The following MYCBP2 variants were observed in gnomAD, a reference collection of about 807,000 sequenced individuals.
MYCBP2 encodes E3 ubiquitin-protein ligase MYCBP2.
A neutral mutation model predicts 525.3 loss-of-function variants in MYCBP2; 120 were observed. The observed-to-expected ratio is 0.23, with a 90% confidence interval of 0.20 to 0.27. The LOEUF (loss-of-function observed/expected upper bound fraction) is 0.27, where lower values mean the gene tolerates loss of function less well. Ranked by LOEUF, MYCBP2 falls within the 10% of genes least tolerant of loss-of-function variation. The pLI is 1.00. For missense variants in MYCBP2, 4,149 were observed against 5,657.1 expected, an observed-to-expected ratio of 0.73 and a Z score of 8.55; for synonymous variants, 1,894 against 1,955.8, an observed-to-expected ratio of 0.97 and a Z score of 0.83.
intron 55 of MYCBP2, among the ~76,000 whole-genome samples, chr13:77,113,089 A>G (rs867520104): frequency 4.6e-5 from 7 of 152,190 alleles, no homozygotes; most frequent in African/African-American, 1.2e-4. Flanking sequence ...GGTGGACTCA[A>G]TAAAATACTT....
chr13:77,174,281 T>C, intron 37 of MYCBP2, 30 bp downstream of exon 37: 1 of 1,607,274 alleles, frequency 6.2e-7, no homozygotes, highest in Non-Finnish European at 8.5e-7. Flanking sequence ...CACTGTAAAG[T>C]ATTTCCGTTA....
Position 77,326,750 on chromosome 13 carries a change from G to A in MYCBP2, c.26C>T (p.Ser9Phe), listed in dbSNP as rs1455089041. Residue 9 changes from serine (S) to phenylalanine (F), a missense_variant, in exon 1 of 83, where the codon TCC (serine) becomes TTC (phenylalanine). Ser to Phe is a radical substitution (Grantham distance 155). This residue lies in a region of MYCBP2 where 413 missense variants were observed against 451.2 expected (regional missense o/e 0.92). Coordinates refer to ENST00000544440, the MANE Select transcript of MYCBP2 (RefSeq NM_015057.5). This position sits in a 1 kb window ranked among gnomAD's most constrained non-coding sequence, Gnocchi z 4.2. ...GAGCCCCGAGGAGGCGGCGGCGGGG[G>A]AGGCAGTCGCTGCGCACATCATCAT... is the stretch of plus-strand genomic sequence containing the variant. MMMCAATA[S>F]PAAASSGLGG... is the part of the protein sequence containing the mutation. The A allele has an allele frequency of 4.2e-6, 6 of 1,414,014 alleles. No homozygotes were observed. Among genetic ancestry groups the A allele is most frequent in the Admixed American group, 3.9e-5 (1 of 25,962 alleles). The allele number at this position is 1,414,014 out of a possible 1,614,324, so 87.6% of individuals were successfully genotyped here. A position where few individuals can be genotyped will look rare whatever the true frequency, so the allele number is the denominator to read the frequency against.
chr13:77,151,227 AG>A (rs1158514344), intron 46 of MYCBP2, among the ~76,000 whole-genome samples: 1 of 152,222 alleles, frequency 6.6e-6, no homozygotes, highest in Non-Finnish European at 1.5e-5. Context: ...CCACTAATAA[AG>A]TACAGGAAAA....
chr13:77,094,131 C>T (rs1477705885), intron 58 of MYCBP2, among the ~76,000 whole-genome samples: 1 of 152,030 alleles, frequency 6.6e-6, no homozygotes, highest in Non-Finnish European at 1.5e-5. Flanking sequence ...TAATAGTAAG[C>T]ACAAAATTTT....
At chr13:77,293,723 G>T (rs1055924072) in intron 2 of MYCBP2, among the ~76,000 whole-genome samples, 12 of 152,124 alleles carry the variant, frequency 7.9e-5, no homozygotes, top group Non-Finnish European at 1.6e-4. Context: ...GATGCCGCAT[G>T]AGAAAACTCA....
At chr13:77,194,085 T>A in intron 27 of MYCBP2, 68 bp downstream of exon 27, 13 of 977,522 alleles carry the variant, frequency 1.3e-5, no homozygotes, top group Non-Finnish European at 1.7e-5. Flanking sequence ...AGTATGTTTA[T>A]TCATTTATAA....
chr13:77,190,002 A>T (rs1427662132), intron 29 of MYCBP2, among the ~76,000 whole-genome samples: 1 of 152,150 alleles, frequency 6.6e-6, no homozygotes, highest in African/African-American at 2.4e-5. Context: ...TCAGTAAAAT[A>T]TTGTTATTGG....
At chr13:77,291,755 G>A (rs1485343072) in intron 2 of MYCBP2, among the ~76,000 whole-genome samples, 6 of 147,990 alleles carry the variant, frequency 4.1e-5, no homozygotes, top group Admixed American at 2.0e-4. Flanking sequence ...GAACAAGAGC[G>A]AAACTCTGTC....
chr13:77,277,853 T>C (rs1433437066), intron 4 of MYCBP2, among the ~76,000 whole-genome samples: 1 of 152,194 alleles, frequency 6.6e-6, no homozygotes, highest in African/African-American at 2.4e-5. Flanking sequence ...TAGAAAACTT[T>C]AGATAGTTTA....
At chr13:77,265,130 T>C (rs1037758767) in intron 8 of MYCBP2, among the ~76,000 whole-genome samples, 1 of 151,808 alleles carries the variant, frequency 6.6e-6, no homozygotes, top group African/African-American at 2.4e-5. Flanking sequence ...CCTTACCAAA[T>C]AGAGAATTCA....
rs895319739 is a variant in MYCBP2, at chr13:77,164,652, C to A, written c.6460-111G>T. On this transcript the variant is annotated intron_variant, in intron 42 of 82. Transcript: ENST00000544440. ...TTACTTTTGAAATGAGAAGGAAGCA[C>A]GTGAAGCTAATGGTTAAATTGAGAG... is the stretch of plus-strand genomic sequence containing the variant. The A allele has an allele frequency of 3.4e-5, 24 of 708,936 alleles. No homozygotes were observed. In the East Asian group the frequency reaches 5.9e-4, roughly 17 times the overall value. The allele number at this position is 708,936 out of a possible 1,614,324, so 43.9% of individuals were successfully genotyped here.
chr13:77,317,328 A>G (rs1394454366), intron 1 of MYCBP2, among the ~76,000 whole-genome samples: 1 of 152,176 alleles, frequency 6.6e-6, no homozygotes, highest in Non-Finnish European at 1.5e-5. Flanking sequence ...GGATTCTCAT[A>G]GCGCCCTCTG....
intron 39 of MYCBP2, 126 bp downstream of exon 39, chr13:77,169,486 ATC>A (rs2058922125): frequency 2.9e-6 from 2 of 696,276 alleles, no homozygotes; most frequent in Non-Finnish European, 5.0e-6. Flanking sequence ...TAGCAGATCT[ATC>A]TCTGCTTGTT....
At chr13:77,233,037 A>C in intron 18 of MYCBP2, 119 bp downstream of exon 18, 1 of 766,634 alleles carries the variant, frequency 1.3e-6, no homozygotes, top group Non-Finnish European at 2.2e-6. Context: ...TCCTCAGGCT[A>C]CATCATGATA....
At chr13:77,073,296 T>C (rs1566394697) in intron 68 of MYCBP2, among the ~76,000 whole-genome samples, 1 of 152,138 alleles carries the variant, frequency 6.6e-6, no homozygotes, top group African/African-American at 2.4e-5. Flanking sequence ...TGTGCTCTTG[T>C]CTGGGTGACA....
chr13:77,228,610 TA>T (rs1479912888), intron 18 of MYCBP2, among the ~76,000 whole-genome samples: 2 of 151,648 alleles, frequency 1.3e-5, no homozygotes, highest in Admixed American at 1.3e-4. Context: ...ACATTGTCAA[TA>T]AAAAATTGAC....
chr13:77,140,959 G>A lies in MYCBP2; in HGVS notation c.7304-16C>T. The A allele has an allele frequency of 6.4e-7, 1 of 1,558,384 alleles. No individual in the cohort carries two copies. The highest frequency in any genetic ancestry group is 8.8e-7 in the Non-Finnish European group (1 of 1,140,310). ...AGACCAGCATCTGTCAGAAAAATCAGAGAACTGTAACATTTGAGAAAAAAA... is the reference window on the plus strand; with the variant it reads ...AGACCAGCATCTGTCAGAAAAATCAAAGAACTGTAACATTTGAGAAAAAAA... On this transcript the variant is annotated splice_polypyrimidine_tract_variant and intron_variant, in intron 49 of 82. Coordinates refer to ENST00000544440, the MANE Select transcript of MYCBP2 (RefSeq NM_015057.5).
rs1469425423 is a variant in MYCBP2, at chr13:77,177,724, A to G, written c.5340+24T>C. On this transcript the variant is annotated intron_variant, in intron 35 of 82. Transcript: ENST00000544440. ...TGATACACAACCCACTAATCAGGAT[A>G]AATACTAAAAGGGTGATACTTACAT... The G allele has an allele frequency of 2.5e-6, 4 of 1,575,470 alleles. No homozygotes were observed. In the South Asian group the frequency reaches 3.3e-5, roughly 13 times the overall value.
intron 1 of MYCBP2, among the ~76,000 whole-genome samples, chr13:77,304,984 T>C (rs2154371851): frequency 1.3e-5 from 2 of 152,096 alleles, no homozygotes; most frequent in East Asian, 1.9e-4. Context: ...TAGTCTTCTA[T>C]ATATTGAAAA....
Sources: gnomAD v4.1 joint callset for allele counts (sites outside exome capture counted in the v4.1 genomes callset) on GRCh38, gnomAD v4.1.1 for gene constraint, gnomAD v4.1.1 regional missense constraint, Gnocchi (gnomAD v3.1) non-coding constraint, MANE v1.5 for transcripts, NCBI Gene and HGNC (gene_info 2026-07-23, HGNC 2026-07-21) for gene names.